Variants in CIAPIN1 observed in about 807,000 individuals in gnomAD.
The protein encoded by CIAPIN1 is cytokine induced apoptosis inhibitor 1.
In CIAPIN1, 18 loss-of-function variants were observed where a neutral mutation model predicts 34.3. The observed-to-expected ratio is 0.52, with a 90% CI of 0.36 to 0.78. The LOEUF (loss-of-function observed/expected upper bound fraction) is 0.78, where lower values mean the gene tolerates loss of function less well. Among genes scored for constraint, CIAPIN1 ranks in the 30% least tolerant of loss-of-function variants. The pLI is 0.00. For missense variants in CIAPIN1, 310 were observed against 372.5 expected (o/e 0.83, Z 1.38); for synonymous variants, 131 against 140.4 (o/e 0.93, Z 0.47).
At position 57,442,755 on chromosome 16, in the gene CIAPIN1, C is replaced by T. The variant is rs138900529; in HGVS notation, c.-55-1772G>A. 2.5e-3 allele frequency among the ~76,000 whole-genome samples: 375 copies of T among 152,298 alleles called. 1 individual carries two copies. Among genetic ancestry groups the T allele is most frequent in the East Asian group, 8.5e-3 (44 of 5,190 alleles). On this transcript the variant is annotated intron_variant, in intron 1 of 8. Transcript: ENST00000394391. ...CTCAGGATGTTAAATATTTAACACT[C>T]AAGCATTAAATACTATAGCACTTTG...
intron 2 of CIAPIN1, among the ~76,000 whole-genome samples, chr16:57,439,681 CT>C (rs1333593332): frequency 6.6e-6 from 1 of 152,192 alleles, no homozygotes; most frequent in Non-Finnish European, 1.5e-5. Context: ...TTTCTTACGC[CT>C]GTCTTTACTG....
At chr16:57,442,895 T>C (rs2029901293) in intron 1 of CIAPIN1, among the ~76,000 whole-genome samples, 1 of 152,136 alleles carries the variant, frequency 6.6e-6, no homozygotes, top group Non-Finnish European at 1.5e-5. Flanking sequence ...TCTCCCACCA[T>C]TCCAAAGTGA....
At chr16:57,443,055 C>T (rs2029906726) in intron 1 of CIAPIN1, among the ~76,000 whole-genome samples, 2 of 150,310 alleles carry the variant, frequency 1.3e-5, no homozygotes, top group African/African-American at 4.9e-5. Flanking sequence ...ACTCTGTTTT[C>T]CTTAATGACA....
rs537368014 is a variant in CIAPIN1 at position 57,432,580 on chromosome 16, G to GA, written c.557-21dup. On this transcript the variant is annotated intron_variant, in intron 5 of 8. Coordinates refer to ENST00000394391, the MANE Select transcript of CIAPIN1 (RefSeq NM_020313.4). The stretch of plus-strand genomic sequence containing the variant: ...GTTTCACTGAGTCCAAGCAATAAAA[G>GA]AAAAAACTCCATAAACACAGTCAGA... 73 of 1,603,416 alleles carry GA rather than the reference G, an allele frequency of 4.6e-5. No homozygotes were observed. The African/African-American group carries it at 8.7e-4, about 19-fold the overall frequency.
At chr16:57,430,105 A>G (rs1448399377) in intron 8 of CIAPIN1, among the ~76,000 whole-genome samples, 153 bp downstream of exon 8, 2 of 152,134 alleles carry the variant, frequency 1.3e-5, no homozygotes, top group Non-Finnish European at 2.9e-5. Context: ...CTCTCAGGAG[A>G]CAGCCTCTCT....
intron 2 of CIAPIN1, 62 bp from the exon 3 acceptor site, chr16:57,439,396 C>G: frequency 6.3e-7 from 1 of 1,577,628 alleles, no homozygotes; most frequent in Non-Finnish European, 8.7e-7. Flanking sequence ...CTGGTCCCTT[C>G]CAACCCCCAA....
intron 1 of CIAPIN1, 71 bp from the exon 2 acceptor site, chr16:57,441,054 G>T (rs1903320403): frequency 1.4e-5 from 14 of 992,934 alleles, no homozygotes; most frequent in Non-Finnish European, 1.9e-5. Context: ...AACCTAACTT[G>T]TAACCGCCCA....
At position 57,429,290 on chromosome 16, in the gene CIAPIN1, G is replaced by T. The variant is rs368410108; in HGVS notation, c.829-10C>A. The stretch of plus-strand genomic sequence containing the variant: ...CATCGCCCAGGTAGCACTGGAGAGA[G>T]AGAATGGGGAAGCCAAGGGTCAGCT... On this transcript the variant is annotated splice_polypyrimidine_tract_variant and intron_variant, in intron 8 of 8. Coordinates refer to ENST00000394391, the MANE Select transcript of CIAPIN1 (RefSeq NM_020313.4). 6.3e-7 allele frequency: 1 copy of T among 1,592,512 alleles called. No individual in the cohort carries two copies. The highest frequency in any genetic ancestry group is 8.6e-7 in the Non-Finnish European group (1 of 1,160,362).
chr16:57,439,662 C>T (rs1222145530), intron 2 of CIAPIN1, among the ~76,000 whole-genome samples: 1 of 152,160 alleles, frequency 6.6e-6, no homozygotes, highest in Non-Finnish European at 1.5e-5. Context: ...CAAATTAATA[C>T]TTTTATAATT....
At chr16:57,433,034 G>C (rs1339393097) in intron 5 of CIAPIN1, among the ~76,000 whole-genome samples, 1 of 152,166 alleles carries the variant, frequency 6.6e-6, no homozygotes, top group Non-Finnish European at 1.5e-5. Flanking sequence ...GGTGTTTTGA[G>C]GATTAAATGA....
intron 8 of CIAPIN1, 95 bp from the exon 9 acceptor site, chr16:57,429,375 G>C: frequency 1.3e-6 from 1 of 796,062 alleles, no homozygotes; most frequent in Non-Finnish European, 2.1e-6. Context: ...GGCCACAGTG[G>C]CCTGAAGGAA....
In CIAPIN1 at chr16:57,436,685, T is replaced by C. The variant is rs924745770; in HGVS notation, c.358A>G (p.Thr120Ala). ...TTCACTTCCACAAGACCAGAAAGAG[T>C]CAGGGCTGAACACAGCTTAGATGCT... The part of the protein sequence containing the change: ...KTASKLCSAL[T>A]LSGLVEVKEL... Residue 120 changes from threonine (T) to alanine (A), a missense_variant, in exon 4 of 9, where the codon ACT becomes GCT. By Grantham distance (58) the Thr-to-Ala change is moderately conservative (BLOSUM62 0). Transcript: ENST00000394391. The C allele has an allele frequency of 6.2e-7, 1 of 1,613,772 alleles. No individual in the cohort carries two copies. The highest frequency in any genetic ancestry group is 8.5e-7 in the Non-Finnish European group (1 of 1,179,866).
intron 8 of CIAPIN1, 56 bp downstream of exon 8, chr16:57,430,202 G>A (rs1037803121): frequency 7.0e-7 from 1 of 1,434,974 alleles, no homozygotes; most frequent in Non-Finnish European, 9.8e-7. Context: ...TAGTTTAGAA[G>A]AAGGTCTAAT....
chr16:57,440,779 C>T lies in CIAPIN1; in HGVS notation c.150G>A (p.Leu50=), dbSNP rs1903312665. 6.2e-7 allele frequency: 1 copy of T among 1,611,818 alleles called. No homozygotes were observed. The highest frequency in any genetic ancestry group is 1.3e-5 in the African/African-American group (1 of 74,834). ...ACGTGGGTGGGTACTTACATTGCAA[C>T]AGCTGCTTGATGTTTTCCACAGACA... is the stretch of plus-strand genomic sequence containing the variant. The part of the protein sequence containing the change: ...GRVSVENIKQ[L]LQSAHKESSF... The change falls in exon 2 of 9, where the codon CTG becomes CTA. Residue 50 remains leucine (L), a synonymous_variant. Transcript: ENST00000394391.
intron 1 of CIAPIN1, among the ~76,000 whole-genome samples, chr16:57,446,588 G>C (rs945577433): frequency 2.0e-5 from 3 of 152,180 alleles, no homozygotes; most frequent in African/African-American, 7.2e-5. Context: ...ACACCCCCGT[G>C]AAGTGCTCTG....
chr16:57,447,298 A>T, intron 1 of CIAPIN1, 44 bp downstream of exon 1: 1 of 402,500 alleles, frequency 2.5e-6, no homozygotes, highest in Non-Finnish European at 4.3e-6. Context: ...GGGAGGGGAC[A>T]GTTGAGGGAG....
Position 57,429,125 on chromosome 16 carries a change from C to T in CIAPIN1, c.*45G>A, listed in dbSNP as rs1401354174. On this transcript the variant is annotated 3_prime_UTR_variant, in exon 9 of 9. Transcript: ENST00000394391. The stretch of plus-strand genomic sequence containing the variant: ...AGCCACCATGGTGGGATGTGAGGGA[C>T]AGGAGTTGGCTGGAGGAGCAGATGG... 1 of 1,323,568 alleles carries T rather than the reference C, an allele frequency of 7.6e-7. No homozygotes were observed. The highest frequency in any genetic ancestry group is 1.7e-5 in the Admixed American group (1 of 59,372). 82.0% of individuals were successfully genotyped at this position (1,323,568 alleles called of 1,614,324 possible).
intron 1 of CIAPIN1, among the ~76,000 whole-genome samples, chr16:57,443,136 T>TTG (rs1279512310): frequency 1.3e-5 from 2 of 148,510 alleles, no homozygotes; most frequent in African/African-American, 5.0e-5. Context: ...TGGTTTTGTT[T>TTG]TTTTTTTTTT....
Position 57,439,379 on chromosome 16 carries a change from T to TCAG in CIAPIN1, c.158-46_158-45insCTG, listed in dbSNP as rs370404452. On this transcript the variant is annotated intron_variant, in intron 2 of 8. Transcript: ENST00000394391. ...AATTAGCAATCTCCTGAGCCTGGGA[T>TCAG]AATCTCCTGGTCCCTTCCAACCCCC... 1,099 of 1,610,466 alleles carry TCAG rather than the reference T, an allele frequency of 6.8e-4. 11 individuals carry two copies. In the African/African-American group the frequency reaches 0.013, roughly 18 times the overall value.
Sources: gnomAD v4.1 joint callset for allele counts (sites outside exome capture counted in the v4.1 genomes callset) on GRCh38, gnomAD v4.1.1 for gene constraint, MANE v1.5 for transcripts, NCBI Gene and HGNC (gene_info 2026-07-23, HGNC 2026-07-21) for gene names.